The following COX7B2 variants were observed in gnomAD, a reference collection of about 807,000 sequenced individuals.
The protein encoded by COX7B2 is cytochrome c oxidase subunit 7B2, mitochondrial.
For missense variants in COX7B2, 109 were observed against 95.9 expected (o/e 1.14, Z -0.57); for synonymous variants, 37 against 32.1 (o/e 1.15, Z -0.51).
intron 2 of COX7B2, among the ~76,000 whole-genome samples, chr4:46,760,077 CAAAT>C (rs1257063482): frequency 6.6e-6 from 1 of 151,866 alleles, no homozygotes; most frequent in Non-Finnish European, 1.5e-5. Flanking sequence ...GAATGACTGA[CAAAT>C]AAAAGCAATA....
chr4:46,858,797 A>T (rs1397243059), intron 1 of COX7B2, among the ~76,000 whole-genome samples: 1 of 152,206 alleles, frequency 6.6e-6, no homozygotes, highest in Non-Finnish European at 1.5e-5. Flanking sequence ...TGTGGAAGTG[A>T]CTTACTCTTC....
chr4:46,751,297 A>AT (rs1715357867), intron 2 of COX7B2, among the ~76,000 whole-genome samples: 3 of 151,872 alleles, frequency 2.0e-5, no homozygotes, highest in Admixed American at 1.3e-4. Flanking sequence ...ATCATTTAAA[A>AT]TTTTGCAAAA....
At chr4:46,738,069 T>C (rs1178817862) in intron 2 of COX7B2, among the ~76,000 whole-genome samples, 1 of 152,158 alleles carries the variant, frequency 6.6e-6, no homozygotes, top group East Asian at 1.9e-4. Context: ...GAAGGTGACA[T>C]CGGTCAGGGT....
intron 2 of COX7B2, among the ~76,000 whole-genome samples, chr4:46,769,025 A>G (rs1483986838): frequency 1.3e-5 from 2 of 152,130 alleles, no homozygotes; most frequent in African/African-American, 4.8e-5. Context: ...GAAAATCTGA[A>G]TGGACCCTCC....
intron 1 of COX7B2, among the ~76,000 whole-genome samples, chr4:46,906,056 C>A (rs1204468106): frequency 2.0e-5 from 3 of 151,708 alleles, no homozygotes; most frequent in Non-Finnish European, 4.4e-5. Context: ...GTCTCGATCT[C>A]CTGACCTCAT....
At chr4:46,758,916 GA>G (rs1200961382) in intron 2 of COX7B2, among the ~76,000 whole-genome samples, 3 of 152,064 alleles carry the variant, frequency 2.0e-5, no homozygotes, top group African/African-American at 4.8e-5. Flanking sequence ...CCACTTTGCA[GA>G]AAACCACAAG....
intron 2 of COX7B2, among the ~76,000 whole-genome samples, chr4:46,775,308 T>G (rs920615420): frequency 2.0e-5 from 3 of 152,128 alleles, no homozygotes; most frequent in African/African-American, 7.2e-5. Flanking sequence ...ATTTTAGTGT[T>G]ACGGTCATAT....
At chr4:46,742,718 C>T (rs1714791175) in intron 2 of COX7B2, among the ~76,000 whole-genome samples, 1 of 152,010 alleles carries the variant, frequency 6.6e-6, no homozygotes, top group South Asian at 2.1e-4. Flanking sequence ...AATTGTTATG[C>T]CTGGAGGAAA....
Position 46,796,279 on chromosome 4 carries a change from G to A in COX7B2, c.-50+48681C>T, listed in dbSNP as rs531461803. Among the ~76,000 whole-genome samples, 668 of 139,180 alleles carry A rather than the reference G, an allele frequency of 4.8e-3. 7 individuals carry two copies. Among genetic ancestry groups the A allele is most frequent in the Non-Finnish European group, 6.8e-3 (428 of 62,696 alleles). The allele number at this position is 139,180 out of a possible 152,430, so 91.3% of individuals were successfully genotyped here. A position where few individuals can be genotyped will look rare whatever the true frequency, so the allele number is the denominator to read the frequency against. On this transcript the variant is annotated intron_variant, in intron 2 of 2. Transcript: ENST00000355591. ...AGAGAGGGCATCCCTGTCTTGTGCC[G>A]GTTTTCAAAGGGAATGCTTCCAGTT...
At chr4:46,779,684 C>G (rs1044123556) in intron 2 of COX7B2, among the ~76,000 whole-genome samples, 1 of 152,008 alleles carries the variant, frequency 6.6e-6, no homozygotes, top group Non-Finnish European at 1.5e-5. Context: ...CCCTCACCAA[C>G]ACTCGCTATC....
intron 1 of COX7B2, among the ~76,000 whole-genome samples, chr4:46,864,422 T>A (rs1383367329): frequency 6.6e-6 from 1 of 152,144 alleles, no homozygotes; most frequent in Non-Finnish European, 1.5e-5. Context: ...TGAAGTAGCA[T>A]TCAAAAACCA....
chr4:46,765,796 T>C (rs1234168012), intron 2 of COX7B2, among the ~76,000 whole-genome samples: 1 of 151,724 alleles, frequency 6.6e-6, no homozygotes, highest in Non-Finnish European at 1.5e-5. Context: ...GAACCCAGGA[T>C]CCAGGCCCAT....
rs551566973 is a variant in COX7B2, at chr4:46,792,394, G to C, written c.-50+52566C>G. On this transcript the variant is annotated intron_variant, in intron 2 of 2. Coordinates refer to ENST00000355591, the MANE Select transcript of COX7B2 (RefSeq NM_130902.3). ...GATTACACTAGAATGGGTGGATTGA[G>C]TAAAGCACGTTGTCCTCCCCAATGA... is the stretch of plus-strand genomic sequence containing the variant. Among the ~76,000 whole-genome samples the C allele has an allele frequency of 3.9e-5, 6 of 152,286 alleles. No individual in the cohort carries two copies. In the South Asian group the frequency reaches 1.2e-3, roughly 32 times the overall value.
intron 2 of COX7B2, among the ~76,000 whole-genome samples, chr4:46,750,358 C>T (rs1715293264): frequency 1.3e-5 from 2 of 152,048 alleles, no homozygotes; most frequent in East Asian, 1.9e-4. Flanking sequence ...CATGCCACTG[C>T]ACTCCATCAG....
At chr4:46,877,888 A>G (rs1017227190) in intron 1 of COX7B2, among the ~76,000 whole-genome samples, 1 of 152,098 alleles carries the variant, frequency 6.6e-6, no homozygotes, top group African/African-American at 2.4e-5. Context: ...GTATATACCT[A>G]AAGGAAATGA....
chr4:46,827,829 G>A lies in COX7B2; in HGVS notation c.-50+17131C>T, dbSNP rs578008745. Among the ~76,000 whole-genome samples, 4 of 152,154 alleles carry A rather than the reference G, an allele frequency of 2.6e-5. No homozygotes were observed. The South Asian group carries it at 6.2e-4, about 24-fold the overall frequency. On this transcript the variant is annotated intron_variant, in intron 2 of 2. Coordinates refer to ENST00000355591, the MANE Select transcript of COX7B2 (RefSeq NM_130902.3). The stretch of plus-strand genomic sequence containing the variant: ...TTTTGCTTAGTGAATGAAGCCAAAC[G>A]CAAAATGTACAAATTACATGGTTCC...
At chr4:46,885,339 T>G (rs1683781069) in intron 1 of COX7B2, among the ~76,000 whole-genome samples, 1 of 152,112 alleles carries the variant, frequency 6.6e-6, no homozygotes, top group Admixed American at 6.6e-5. Flanking sequence ...TATAAAGCTG[T>G]GTAGTAGGTA....
intron 2 of COX7B2, among the ~76,000 whole-genome samples, chr4:46,823,191 T>C (rs890997797): frequency 3.9e-5 from 6 of 152,122 alleles, no homozygotes; most frequent in African/African-American, 1.4e-4. Context: ...GGGTGGGAAA[T>C]AGCCACTATT....
At chr4:46,821,626 G>A (rs1437109450) in intron 2 of COX7B2, among the ~76,000 whole-genome samples, 1 of 152,176 alleles carries the variant, frequency 6.6e-6, no homozygotes. Flanking sequence ...TACTACACAT[G>A]TAGGAAGGAG....
Sources: allele counts gnomAD v4.1 joint callset (sites outside exome capture counted in the v4.1 genomes callset), GRCh38; gene constraint gnomAD v4.1.1; transcripts MANE v1.5; gene names NCBI Gene and HGNC (gene_info 2026-07-23, HGNC 2026-07-21).